AK5: variants seen among roughly 807,000 people sequenced by gnomAD.
AK5 encodes adenylate kinase 5.
Under a neutral mutation model 69.5 loss-of-function variants are expected in AK5, and 27 were observed. The observed-to-expected ratio is 0.39, with a 90% CI of 0.29 to 0.54. AK5 has a LOEUF of 0.54. AK5 is among the 20% of genes least tolerant of loss of function. AK5 has a pLI of 0.71. For synonymous variants in AK5, 260 were observed against 244.4 expected, an observed-to-expected ratio of 1.06 and a Z score of -0.60; for missense variants, 531 against 700.4, an observed-to-expected ratio of 0.76 and a Z score of 2.73.
intron 5 of AK5, chr1:77,314,343 A>G (rs1660125871): frequency 1.3e-5 from 2 of 153,450 alleles, no homozygotes; most frequent in South Asian, 2.1e-4. Flanking sequence ...TCTAGCTACA[A>G]TTGTTGGGCT....
At chr1:77,350,595 C>G (rs78968337) in intron 6 of AK5, among the ~76,000 whole-genome samples, 2,559 of 152,314 alleles carry the variant, frequency 0.017, 38 homozygotes, top group Middle Eastern at 0.061. Context: ...GGAATAGTGA[C>G]TGACACAAGG....
intron 10 of AK5, among the ~76,000 whole-genome samples, chr1:77,487,881 G>T (rs527861413): frequency 6.6e-6 from 1 of 152,212 alleles, no homozygotes; most frequent in South Asian, 2.1e-4. Flanking sequence ...AGGAGTCACA[G>T]AGCTGCCATC....
chr1:77,449,587 G>T lies in AK5; in HGVS notation c.1059+31872G>T, dbSNP rs148637263. The stretch of plus-strand genomic sequence containing the variant: ...ATGCTGAAATTAGTTAAGACTTTAG[G>T]GGACTGTTGAGAAGGCATGATTGGT... On this transcript the variant is annotated intron_variant, in intron 8 of 13. Transcript: ENST00000354567. Among the ~76,000 whole-genome samples the T allele has an allele frequency of 1.6e-4, 24 of 152,232 alleles. No individual in the cohort carries two copies. In the East Asian group the frequency reaches 4.2e-3, roughly 27 times the overall value.
chr1:77,287,674 A>G (rs969032068), intron 2 of AK5, among the ~76,000 whole-genome samples: 1 of 152,274 alleles, frequency 6.6e-6, no homozygotes, highest in African/African-American at 2.4e-5. Context: ...GGCAACCCCC[A>G]GAAACACAGC....
chr1:77,413,778 A>G (rs574485576), intron 7 of AK5, among the ~76,000 whole-genome samples: 16 of 151,974 alleles, frequency 1.1e-4, no homozygotes, highest in Non-Finnish European at 2.2e-4. Context: ...AACTTTCTCC[A>G]CTTTTCCTGG....
intron 6 of AK5, among the ~76,000 whole-genome samples, chr1:77,385,799 T>C (rs1185551011): frequency 6.6e-6 from 1 of 152,300 alleles, no homozygotes; most frequent in East Asian, 1.9e-4. Flanking sequence ...GAATGAATCA[T>C]GTAGTAGAAA....
chr1:77,525,582 T>A (rs761941145), intron 12 of AK5, among the ~76,000 whole-genome samples: 1 of 152,146 alleles, frequency 6.6e-6, no homozygotes, highest in Non-Finnish European at 1.5e-5. Context: ...ACTTAGAGAA[T>A]GAGAACTCAG....
intron 7 of AK5, among the ~76,000 whole-genome samples, chr1:77,414,368 T>G (rs1291690130): frequency 6.6e-6 from 1 of 152,142 alleles, no homozygotes; most frequent in Non-Finnish European, 1.5e-5. Flanking sequence ...CTTCACTGCT[T>G]AAGAAGCCCT....
intron 2 of AK5, among the ~76,000 whole-genome samples, chr1:77,290,851 C>G (rs891667633): frequency 6.6e-6 from 1 of 152,136 alleles, no homozygotes; most frequent in African/African-American, 2.4e-5. Flanking sequence ...AGACATGGCA[C>G]CTTCCTTTGG....
intron 13 of AK5, among the ~76,000 whole-genome samples, chr1:77,537,749 C>T (rs768346484): frequency 1.8e-4 from 28 of 152,176 alleles, no homozygotes; most frequent in African/African-American, 4.1e-4. Flanking sequence ...GTTAATGGTC[C>T]GCTTTCCAGA....
intron 5 of AK5, among the ~76,000 whole-genome samples, chr1:77,298,356 C>T (rs892435276): frequency 6.6e-6 from 1 of 151,972 alleles, no homozygotes; most frequent in Non-Finnish European, 1.5e-5. Context: ...ACTGAACCAC[C>T]TACGTAGATT....
chr1:77,518,575 T>C lies in AK5; in HGVS notation c.1159T>C (p.Ser387Pro). The change falls in exon 11 of 14, where the codon TCT becomes CCT. Residue 387 changes from serine to proline, a missense_variant. Ser to Pro is a moderately conservative substitution (Grantham distance 74). Transcript: ENST00000354567. ...GACTTCTTTTCAAGGTGGTCCTGGC[T>C]CTGGCAAAGGCACACAGTGTGAAAA... is the stretch of plus-strand genomic sequence containing the variant. ...KIIFIIGGPG[S>P]GKGTQCEKLV... 2.5e-6 allele frequency: 4 copies of C among 1,614,020 alleles called. No individual in the cohort carries two copies. The highest frequency in any genetic ancestry group is 2.5e-6 in the Non-Finnish European group (3 of 1,179,956).
At chr1:77,557,589 A>G (rs1344542731) in intron 13 of AK5, among the ~76,000 whole-genome samples, 1 of 152,090 alleles carries the variant, frequency 6.6e-6, no homozygotes, top group African/African-American at 2.4e-5. Flanking sequence ...ACAGTCTCCA[A>G]GCGGACTCTA....
In AK5 at chr1:77,509,752, A is replaced by G. The variant is rs189913095; in HGVS notation, c.1148-8812A>G. Among the ~76,000 whole-genome samples, 286 of 152,360 alleles carry G rather than the reference A, an allele frequency of 1.9e-3. 2 individuals are homozygous for G. The highest frequency in any genetic ancestry group is 6.5e-3 in the African/African-American group (272 of 41,580). On this transcript the variant is annotated intron_variant, in intron 10 of 13. Coordinates refer to ENST00000354567, the MANE Select transcript of AK5 (RefSeq NM_174858.3). ...TATGCACCTTTAAAGGTGTTAAAAC[A>G]GTACCAGGATATAAAACTGCTGTGT... is the stretch of plus-strand genomic sequence containing the variant.
rs187374068 is a variant in AK5 at position 77,408,929 on chromosome 1, G to A, written c.892-2052G>A. Among the ~76,000 whole-genome samples, 495 of 152,104 alleles carry A rather than the reference G, an allele frequency of 3.3e-3. 6 individuals carry two copies. The highest frequency in any genetic ancestry group is 0.012 in the African/African-American group (479 of 41,506). ...GCCTCCTCCTACTCTCCCCGCTCAA[G>A]TAAACCCCAGTGTCTGTTGTTTCCT... On this transcript the variant is annotated intron_variant, in intron 6 of 13. Transcript: ENST00000354567.
intron 10 of AK5, among the ~76,000 whole-genome samples, chr1:77,488,348 T>A (rs1396739521): frequency 6.6e-6 from 1 of 152,156 alleles, no homozygotes; most frequent in Non-Finnish European, 1.5e-5. Context: ...TTACTAAAAT[T>A]CCCTTTTCCA....
intron 6 of AK5, among the ~76,000 whole-genome samples, chr1:77,366,316 T>A (rs939728486): frequency 1.3e-5 from 2 of 152,216 alleles, no homozygotes; most frequent in Non-Finnish European, 2.9e-5. Context: ...TATAAAATAT[T>A]TGGTCCAGTG....
intron 8 of AK5, among the ~76,000 whole-genome samples, chr1:77,433,587 T>C (rs543529780): frequency 1.3e-5 from 2 of 152,288 alleles, no homozygotes; most frequent in South Asian, 4.1e-4. Flanking sequence ...AACAATCATA[T>C]TGTCATGAAT....
At chr1:77,477,114 A>G (rs966700244) in intron 8 of AK5, among the ~76,000 whole-genome samples, 13 of 151,670 alleles carry the variant, frequency 8.6e-5, no homozygotes, top group African/African-American at 2.9e-4. Context: ...TGCAGCCTCA[A>G]CCTCCTAGGC....
Sources: gnomAD v4.1 joint callset for allele counts (sites outside exome capture counted in the v4.1 genomes callset) on GRCh38, gnomAD v4.1.1 for gene constraint, MANE v1.5 for transcripts, NCBI Gene and HGNC (gene_info 2026-07-23, HGNC 2026-07-21) for gene names.